SPEF2: variants seen among roughly 807,000 people sequenced by gnomAD.
SPEF2 encodes the protein sperm flagella and cilia-associated protein 2.
A neutral mutation model predicts 224.6 loss-of-function variants in SPEF2; 187 were observed. The observed-to-expected ratio is 0.83, with a 90% CI of 0.74 to 0.94. SPEF2 has a LOEUF of 0.94. Among genes scored for constraint, SPEF2 ranks in the 40% least tolerant of loss-of-function variants. The pLI, the probability that SPEF2 is intolerant of heterozygous loss-of-function variation, is 0.00. For missense variants in SPEF2, 2,170 were observed against 2,135.6 expected, an observed-to-expected ratio of 1.02 and a Z score of -0.32; for synonymous variants, 715 against 707.3, an observed-to-expected ratio of 1.01 and a Z score of -0.17.
At chr5:35,662,644 A>G (rs113832555) in intron 8 of SPEF2, among the ~76,000 whole-genome samples, 3,643 of 152,240 alleles carry the variant, frequency 0.024, 121 homozygotes, top group East Asian at 0.066. Context: ...TCTTCTGCAT[A>G]TAGGTAGCCA....
chr5:35,760,214 T>A (rs571375914), intron 25 of SPEF2, among the ~76,000 whole-genome samples: 1 of 151,592 alleles, frequency 6.6e-6, no homozygotes, highest in East Asian at 1.9e-4. Context: ...ACAAAAAAAA[T>A]TAGCCGGGCG....
At position 35,755,205 on chromosome 5, in the gene SPEF2, T is replaced by A. The variant is rs77087301; in HGVS notation, c.3468+1444T>A. ...GCCGGGCCATGACCAGGAGGACAGATCCACATGGCATGGGTTGTATGCAAA... is the reference window on the plus strand; with the variant it reads ...GCCGGGCCATGACCAGGAGGACAGAACCACATGGCATGGGTTGTATGCAAA... On this transcript the variant is annotated intron_variant, in intron 24 of 36. Coordinates refer to ENST00000356031, the MANE Select transcript of SPEF2 (RefSeq NM_024867.4). Among the ~76,000 whole-genome samples the A allele has an allele frequency of 6.6e-3, 1,008 of 152,280 alleles. 15 individuals are homozygous for A. The highest frequency in any genetic ancestry group is 0.023 in the African/African-American group (952 of 41,544).
At chr5:35,780,798 T>C (rs569512871) in intron 30 of SPEF2, among the ~76,000 whole-genome samples, 69 of 152,214 alleles carry the variant, frequency 4.5e-4, no homozygotes, top group African/African-American at 1.6e-3. Flanking sequence ...ATCACTCAAT[T>C]AATAGGTAAA....
chr5:35,731,862 A>G (rs1012919761), intron 21 of SPEF2, among the ~76,000 whole-genome samples: 1 of 152,180 alleles, frequency 6.6e-6, no homozygotes, highest in Admixed American at 6.5e-5. Flanking sequence ...GAAAAATTAC[A>G]TCTCAGGGGC....
chr5:35,682,044 A>T (rs1461445931), intron 10 of SPEF2, among the ~76,000 whole-genome samples: 1 of 152,180 alleles, frequency 6.6e-6, no homozygotes, highest in African/African-American at 2.4e-5. Context: ...TACAAGTCTT[A>T]ACTTTAAGTA....
chr5:35,760,540 A>G (rs1216798284), intron 25 of SPEF2, among the ~76,000 whole-genome samples: 1 of 152,242 alleles, frequency 6.6e-6, no homozygotes, highest in Non-Finnish European at 1.5e-5. Flanking sequence ...TGACCTTATG[A>G]GAGTGACTGA....
chr5:35,789,625 G>C lies in SPEF2; in HGVS notation c.4448-2715G>C, dbSNP rs534248555. The C allele has an allele frequency of 5.1e-5, 32 of 630,802 alleles. 1 individual carries two copies. The South Asian group carries it at 5.8e-4, about 11-fold the overall frequency. The allele number at this position is 630,802 out of a possible 1,614,324, so 39.1% of individuals were successfully genotyped here. On this transcript the variant is annotated intron_variant, in intron 30 of 36. Coordinates refer to ENST00000356031, the MANE Select transcript of SPEF2 (RefSeq NM_024867.4). ...CATCTTATCAAGAGACTTCAAGGCT[G>C]TTTCAGAGATGCCAGCCAAAATGTG...
rs1474210065 is a variant in SPEF2, at chr5:35,763,610, A to T, written c.3709A>T (p.Asn1237Tyr). ...TKSVLKGKMDNSLENVESNFE... is the reference protein window; with the variant it reads ...TKSVLKGKMDYSLENVESNFE... The stretch of plus-strand genomic sequence containing the variant: ...ATCAGTACTGAAGGGCAAGATGGAT[A>T]ACTCCCTAGAAAACGTTGAGTCCAA... The change falls in exon 26 of 37, where the codon AAC becomes TAC. Residue 1237 changes from asparagine (N) to tyrosine (Y), a missense_variant. Physicochemically the swap from Asn to Tyr is moderately radical, Grantham distance 143 (BLOSUM62 -2). Coordinates refer to ENST00000356031, the MANE Select transcript of SPEF2 (RefSeq NM_024867.4). 6.2e-7 allele frequency: 1 copy of T among 1,613,908 alleles called. No individual in the cohort carries two copies. Among genetic ancestry groups the T allele is most frequent in the East Asian group, 2.2e-5 (1 of 44,870 alleles).
At chr5:35,669,946 T>G (rs1442463164) in intron 9 of SPEF2, 113 bp from the exon 10 acceptor site, 1 of 802,132 alleles carries the variant, frequency 1.2e-6, no homozygotes, top group South Asian at 2.0e-5. Flanking sequence ...TTTCAGTAAT[T>G]ATTTCTGTCT....
intron 26 of SPEF2, among the ~76,000 whole-genome samples, chr5:35,765,374 G>C (rs768517630): frequency 6.6e-6 from 1 of 152,120 alleles, no homozygotes; most frequent in South Asian, 2.1e-4. Flanking sequence ...ATTTGGTGTC[G>C]GTATGGATAC....
intron 16 of SPEF2, among the ~76,000 whole-genome samples, chr5:35,701,736 C>T (rs1340637366): frequency 1.3e-5 from 2 of 152,094 alleles, no homozygotes; most frequent in Non-Finnish European, 2.9e-5. Flanking sequence ...AATTTCCACA[C>T]TGTAAAAAAG....
In SPEF2 at chr5:35,774,013, A is replaced by G. The variant is rs775316744; in HGVS notation, c.4070A>G (p.Gln1357Arg). The part of the protein sequence containing the change: ...KIKEEHLAAL[Q>R]FEEIATQFRL... ...AAAGAAGAACACCTTGCTGCCTTGCAATTTGAAGGTAGCGATTGAAACGAC... is the reference window on the plus strand; with the variant it reads ...AAAGAAGAACACCTTGCTGCCTTGCGATTTGAAGGTAGCGATTGAAACGAC... Residue 1357 changes from glutamine (Q) to arginine (R), a missense_variant, in exon 28 of 37, where the codon CAA becomes CGA. Coordinates refer to ENST00000356031, the MANE Select transcript of SPEF2 (RefSeq NM_024867.4). The G allele has an allele frequency of 1.2e-6, 2 of 1,612,152 alleles. No homozygotes were observed. The highest frequency in any genetic ancestry group is 1.7e-4 in the Middle Eastern group (1 of 6,050).
chr5:35,674,220 G>C (rs751625176), intron 10 of SPEF2, among the ~76,000 whole-genome samples: 1 of 151,974 alleles, frequency 6.6e-6, no homozygotes, highest in Non-Finnish European at 1.5e-5. Context: ...CAAGGTTAAG[G>C]TGTTAGCCAG....
At chr5:35,713,215 C>T (rs537300453) in intron 20 of SPEF2, among the ~76,000 whole-genome samples, 2 of 152,178 alleles carry the variant, frequency 1.3e-5, no homozygotes, top group Non-Finnish European at 2.9e-5. Flanking sequence ...TCTTGGACCC[C>T]TTATTGGATT....
At chr5:35,671,063 G>A (rs1018792964) in intron 10 of SPEF2, 1 of 985,282 alleles carries the variant, frequency 1.0e-6, no homozygotes, top group South Asian at 4.7e-5. Context: ...CAACAGCAAT[G>A]GAATGAGGAG....
At chr5:35,745,500 G>A (rs374389292) in intron 23 of SPEF2, among the ~76,000 whole-genome samples, 1 of 151,942 alleles carries the variant, frequency 6.6e-6, no homozygotes, top group African/African-American at 2.4e-5. Context: ...GAGTGAGACC[G>A]GCCCTTAGGT....
intron 1 of SPEF2, among the ~76,000 whole-genome samples, chr5:35,622,808 G>A (rs1343313462): frequency 6.6e-6 from 1 of 152,090 alleles, no homozygotes; most frequent in South Asian, 2.1e-4. Flanking sequence ...TGTGTAAATC[G>A]AAGCAAAAAT....
intron 15 of SPEF2, chr5:35,699,115 G>A (rs1014030656): frequency 6.6e-5 from 10 of 152,078 alleles, no homozygotes; most frequent in African/African-American, 2.2e-4. Flanking sequence ...TTTTAGTTTC[G>A]TGACTTTGAA....
chr5:35,753,853 G>T, intron 24 of SPEF2, 92 bp downstream of exon 24: 1 of 1,503,732 alleles, frequency 6.7e-7, no homozygotes. Context: ...AATATGAGAG[G>T]TCTGTTCAGG....
Sources: gnomAD v4.1 joint callset for allele counts (sites outside exome capture counted in the v4.1 genomes callset) on GRCh38, gnomAD v4.1.1 for gene constraint, MANE v1.5 for transcripts, NCBI Gene and HGNC (gene_info 2026-07-23, HGNC 2026-07-21) for gene names.